Variants in R3HDM2 observed in about 807,000 individuals in gnomAD.
The protein encoded by R3HDM2 is R3H domain-containing protein 2.
R3HDM2 carries 38 observed loss-of-function variants against 124.5 expected under a neutral mutation model. The ratio of observed to expected loss-of-function variants is 0.31; its 90% CI spans 0.24 to 0.40. The LOEUF is 0.40. Ranked by LOEUF, R3HDM2 falls within the 10% of genes least tolerant of loss-of-function variation. The pLI, the probability that R3HDM2 is intolerant of heterozygous loss-of-function variation, is 1.00. For synonymous variants in R3HDM2, 391 were observed against 448.0 expected (o/e 0.87, Z 1.61); for missense variants, 869 against 1,236.9 (o/e 0.70, Z 4.46).
At chr12:57,391,284 C>G (rs758071542) in intron 2 of R3HDM2, among the ~76,000 whole-genome samples, 1 of 152,150 alleles carries the variant, frequency 6.6e-6, no homozygotes, top group Non-Finnish European at 1.5e-5. Context: ...ATACATCTAA[C>G]AACTTTGATG....
Position 57,365,250 on chromosome 12 carries a change from T to A in R3HDM2, c.-36+30499A>T, listed in dbSNP as rs575603945. On this transcript the variant is annotated intron_variant, in intron 2 of 23. Coordinates refer to ENST00000402412, the MANE Select transcript of R3HDM2 (RefSeq NM_001394031.1). Reference sequence around the variant, plus strand: ...CTGCACTCCAGCCTGGGTGACAGAGTGAGACTCTGTCTCCAAAAAAAAAGA... The same window carrying A: ...CTGCACTCCAGCCTGGGTGACAGAGAGAGACTCTGTCTCCAAAAAAAAAGA... 6.9e-4 allele frequency among the ~76,000 whole-genome samples: 102 copies of A among 148,516 alleles called. No individual in the cohort carries two copies. In the South Asian group the frequency reaches 0.021, roughly 31 times the overall value.
intron 2 of R3HDM2, among the ~76,000 whole-genome samples, chr12:57,379,309 G>A (rs968938453): frequency 4.6e-5 from 7 of 152,150 alleles, no homozygotes; most frequent in African/African-American, 1.4e-4. Flanking sequence ...GGCCAGATGC[G>A]GTAGCTCATG....
At chr12:57,390,113 G>A (rs1242634445) in intron 2 of R3HDM2, among the ~76,000 whole-genome samples, 4 of 151,430 alleles carry the variant, frequency 2.6e-5, no homozygotes, top group African/African-American at 7.3e-5. Flanking sequence ...TTGGGGGAGG[G>A]GATTCCACTT....
chr12:57,315,243 G>A (rs1240976372), intron 2 of R3HDM2, among the ~76,000 whole-genome samples: 2 of 152,038 alleles, frequency 1.3e-5, no homozygotes, highest in Non-Finnish European at 2.9e-5. Flanking sequence ...TCACCATGTT[G>A]GCCAGGCTGG....
At chr12:57,313,742 G>A (rs1357840901) in intron 2 of R3HDM2, among the ~76,000 whole-genome samples, 1 of 150,826 alleles carries the variant, frequency 6.6e-6, no homozygotes, top group African/African-American at 2.4e-5. Context: ...TTAGCTGGAT[G>A]TGGTGGAGTG....
intron 2 of R3HDM2, among the ~76,000 whole-genome samples, chr12:57,327,727 T>C (rs1490588355): frequency 2.0e-5 from 3 of 152,082 alleles, no homozygotes; most frequent in Admixed American, 6.6e-5. Context: ...GGGGTGGAAA[T>C]AGCCAGAGAA....
chr12:57,422,649 G>A (rs1256498414), intron 1 of R3HDM2, among the ~76,000 whole-genome samples: 1 of 152,148 alleles, frequency 6.6e-6, no homozygotes, highest in Non-Finnish European at 1.5e-5. Context: ...GAGATAGGGA[G>A]AATACAACAG....
intron 1 of R3HDM2, 32 bp from the exon 2 acceptor site, chr12:57,395,850 T>C: frequency 4.2e-6 from 4 of 945,330 alleles, no homozygotes; most frequent in Non-Finnish European, 5.0e-6. Context: ...AAAAAACAAG[T>C]TAAAAGCAAT....
In R3HDM2 at chr12:57,296,367, G is replaced by C; in HGVS notation, c.701+44C>G. Reference sequence around the variant, plus strand: ...ACACCTTCCTCTTCCAACCCAGCAGGTTATCCCAGGGAAGTCTTCCCAAAC... The same window carrying C: ...ACACCTTCCTCTTCCAACCCAGCAGCTTATCCCAGGGAAGTCTTCCCAAAC... On this transcript the variant is annotated intron_variant, in intron 9 of 23. Transcript: ENST00000402412. The surrounding 1 kb of genome is among the most constrained non-coding windows in gnomAD (Gnocchi z 4.5). 1.3e-6 allele frequency: 2 copies of C among 1,547,576 alleles called. No individual in the cohort carries two copies. Among genetic ancestry groups the C allele is most frequent in the Non-Finnish European group, 1.7e-6 (2 of 1,143,224 alleles).
rs183638468 is a variant in R3HDM2, at chr12:57,287,336, C to A, written c.938+1673G>T. 8.5e-5 allele frequency among the ~76,000 whole-genome samples: 13 copies of A among 152,178 alleles called. No individual in the cohort carries two copies. In the East Asian group the frequency reaches 2.5e-3, roughly 29 times the overall value. On this transcript the variant is annotated intron_variant, in intron 12 of 23. Coordinates refer to ENST00000402412, the MANE Select transcript of R3HDM2 (RefSeq NM_001394031.1). ...CAGTTATCCTGGGATGATCTATGAC[C>A]CCGAAGTGTAGACTGTGGAACAGGA...
At chr12:57,413,506 C>T (rs2069209727) in intron 1 of R3HDM2, among the ~76,000 whole-genome samples, 5 of 150,404 alleles carry the variant, frequency 3.3e-5, no homozygotes, top group Admixed American at 2.7e-4. Context: ...GAGGCGGAGG[C>T]GGGCAGATCG....
intron 1 of R3HDM2, among the ~76,000 whole-genome samples, chr12:57,410,312 T>C (rs1319917137): frequency 8.9e-6 from 1 of 112,968 alleles, no homozygotes; most frequent in Non-Finnish European, 1.7e-5. Flanking sequence ...GGAGGTAGTA[T>C]AACCTTAAAA....
At chr12:57,342,239 T>C (rs2059636379) in intron 2 of R3HDM2, among the ~76,000 whole-genome samples, 1 of 152,160 alleles carries the variant, frequency 6.6e-6, no homozygotes, top group Non-Finnish European at 1.5e-5. Context: ...TAAAGATCTG[T>C]TCTGCCGGAA....
chr12:57,379,024 A>C (rs2064459682), intron 2 of R3HDM2, among the ~76,000 whole-genome samples: 1 of 152,252 alleles, frequency 6.6e-6, no homozygotes, highest in Non-Finnish European at 1.5e-5. Flanking sequence ...AAATCATAGA[A>C]GACGGAAAGT....
At chr12:57,374,671 G>A (rs1165445367) in intron 2 of R3HDM2, among the ~76,000 whole-genome samples, 1 of 47,110 alleles carries the variant, frequency 2.1e-5, no homozygotes, top group East Asian at 7.0e-4. Context: ...CAAAAAGAGA[G>A]AAATTCTATC....
chr12:57,387,362 C>T lies in R3HDM2; in HGVS notation c.-36+8387G>A, dbSNP rs1382438660. Among the ~76,000 whole-genome samples the T allele has an allele frequency of 4.6e-5, 7 of 152,062 alleles. No individual in the cohort carries two copies. In the South Asian group the frequency reaches 6.2e-4, roughly 14 times the overall value. ...CGAACCCACCAGAAGGAAGAAACTC[C>T]GAACACATCCGAGCATCAGAAGGAA... On this transcript the variant is annotated intron_variant, in intron 2 of 23. Transcript: ENST00000402412.
chr12:57,421,382 T>G (rs1353478967), intron 1 of R3HDM2, among the ~76,000 whole-genome samples: 1 of 150,816 alleles, frequency 6.6e-6, no homozygotes, highest in Non-Finnish European at 1.5e-5. Context: ...ACTCCCGACC[T>G]CAGGTGATCC....
At chr12:57,345,500 TACACACACACACACACACACACAC>T (rs55903347) in intron 2 of R3HDM2, among the ~76,000 whole-genome samples, 17 of 147,636 alleles carry the variant, frequency 1.2e-4, no homozygotes, top group South Asian at 2.2e-4. Context: ...ATTTCTTTTA[TACACACACACACACACACACACAC>T]ACACACACAC....
intron 10 of R3HDM2, among the ~76,000 whole-genome samples, chr12:57,294,642 C>T (rs779582600): frequency 2.0e-5 from 3 of 152,260 alleles, no homozygotes; most frequent in Non-Finnish European, 1.5e-5. Flanking sequence ...CTCTTCAAAT[C>T]GAATCCCTTT....
Sources: gnomAD v4.1 joint callset for allele counts (sites outside exome capture counted in the v4.1 genomes callset) on GRCh38, gnomAD v4.1.1 for gene constraint, Gnocchi (gnomAD v3.1) non-coding constraint, MANE v1.5 for transcripts, NCBI Gene and HGNC (gene_info 2026-07-23, HGNC 2026-07-21) for gene names.